EIPR1: variants seen among roughly 807,000 people sequenced by gnomAD.
The protein encoded by EIPR1 is EARP and GARP complex-interacting protein 1.
A neutral mutation model predicts 48.1 loss-of-function variants in EIPR1; 25 were observed. That is an observed-to-expected ratio of 0.52 (90% CI 0.38 to 0.73). The LOEUF is 0.73. EIPR1 is among the 30% of genes least tolerant of loss of function. EIPR1 has a pLI of 0.00. For synonymous variants in EIPR1, 204 were observed against 201.9 expected (o/e 1.01, Z -0.09); for missense variants, 415 against 506.2 (o/e 0.82, Z 1.73).
intron 4 of EIPR1, among the ~76,000 whole-genome samples, chr2:3,218,920 A>G (rs1156573941): frequency 1.3e-5 from 2 of 148,948 alleles, no homozygotes; most frequent in African/African-American, 5.0e-5. Flanking sequence ...CGGCCCCGAT[A>G]CGCTCTAGAG....
chr2:3,351,292 C>T (rs1002260306), intron 2 of EIPR1, among the ~76,000 whole-genome samples: 2 of 152,232 alleles, frequency 1.3e-5, no homozygotes, highest in African/African-American at 4.8e-5. Context: ...TGAGCGACCA[C>T]ACCTGGCCTC....
chr2:3,272,664 T>C (rs1347945660), intron 3 of EIPR1, among the ~76,000 whole-genome samples: 2 of 152,174 alleles, frequency 1.3e-5, no homozygotes, highest in Non-Finnish European at 2.9e-5. Flanking sequence ...CAAAGAACAC[T>C]GACCACAGAG....
chr2:3,347,192 T>A (rs1420449315), intron 2 of EIPR1, among the ~76,000 whole-genome samples: 1 of 152,122 alleles, frequency 6.6e-6, no homozygotes, highest in Non-Finnish European at 1.5e-5. Flanking sequence ...ATGAAACCTC[T>A]TTTCTTCATG....
At chr2:3,277,888 C>T (rs982718032) in intron 3 of EIPR1, among the ~76,000 whole-genome samples, 1 of 152,186 alleles carries the variant, frequency 6.6e-6, no homozygotes, top group Non-Finnish European at 1.5e-5. Context: ...AGCCCTTGGA[C>T]GGCACTAACC....
At chr2:3,233,743 C>G (rs1047736112) in intron 4 of EIPR1, among the ~76,000 whole-genome samples, 25 of 152,340 alleles carry the variant, frequency 1.6e-4, no homozygotes, top group Non-Finnish European at 2.9e-4. Flanking sequence ...AAAGGAAAGT[C>G]TGTTGACTTG....
intron 5 of EIPR1, among the ~76,000 whole-genome samples, chr2:3,198,463 G>A (rs1043823678): frequency 1.8e-4 from 28 of 152,202 alleles, no homozygotes; most frequent in African/African-American, 4.8e-4. Context: ...CTCCCACTCC[G>A]AAAGCCTGCT....
intron 3 of EIPR1, among the ~76,000 whole-genome samples, chr2:3,318,240 T>C (rs966199558): frequency 6.6e-6 from 1 of 152,114 alleles, no homozygotes; most frequent in African/African-American, 2.4e-5. Flanking sequence ...TTCTTTACAG[T>C]CTTACTGGAA....
chr2:3,246,713 C>T (rs1442094253), intron 4 of EIPR1, among the ~76,000 whole-genome samples: 1 of 150,280 alleles, frequency 6.7e-6, no homozygotes, highest in Non-Finnish European at 1.5e-5. Context: ...TCCCTGTAGC[C>T]TCCTCCCTGC....
chr2:3,376,350 C>T (rs549977842), intron 1 of EIPR1, among the ~76,000 whole-genome samples: 1 of 151,950 alleles, frequency 6.6e-6, no homozygotes, highest in Admixed American at 6.6e-5. Flanking sequence ...GTCTGGGTGG[C>T]ATATGTTATT....
chr2:3,200,684 C>G (rs1455651803), intron 5 of EIPR1, among the ~76,000 whole-genome samples: 1 of 151,866 alleles, frequency 6.6e-6, no homozygotes. Context: ...GGGCAGACAC[C>G]AGAACGCACA....
At chr2:3,228,667 C>T (rs1339749193) in intron 4 of EIPR1, among the ~76,000 whole-genome samples, 2 of 152,180 alleles carry the variant, frequency 1.3e-5, no homozygotes, top group Non-Finnish European at 2.9e-5. Context: ...ATAATCCCCA[C>T]AACCCCCACA....
At chr2:3,240,515 CT>C (rs1443021229) in intron 4 of EIPR1, among the ~76,000 whole-genome samples, 10 of 151,404 alleles carry the variant, frequency 6.6e-5, no homozygotes, top group South Asian at 6.3e-4. Context: ...CAGATCCCTC[CT>C]AAAGCAAAGC....
Position 3,369,627 on chromosome 2 carries a change from T to C in EIPR1, c.42+8021A>G, listed in dbSNP as rs537140194. 1.7e-4 allele frequency among the ~76,000 whole-genome samples: 26 copies of C among 152,320 alleles called. No individual in the cohort carries two copies. In the East Asian group the frequency reaches 3.9e-3, roughly 23 times the overall value. ...GGGTCCTATGCCCACGGAGTCTCGC[T>C]GATTGCTAGCACAGCAGTCTGAGAT... On this transcript the variant is annotated intron_variant, in intron 1 of 8. Transcript: ENST00000382125.
At chr2:3,258,939 T>A (rs1264961417) in intron 3 of EIPR1, among the ~76,000 whole-genome samples, 3 of 152,156 alleles carry the variant, frequency 2.0e-5, no homozygotes, top group Non-Finnish European at 2.9e-5. Flanking sequence ...TATTTATTTA[T>A]TTATTTGCTG....
At chr2:3,313,430 C>T (rs539691643) in intron 3 of EIPR1, among the ~76,000 whole-genome samples, 6 of 106,452 alleles carry the variant, frequency 5.6e-5, no homozygotes, top group East Asian at 5.1e-4. Flanking sequence ...TGGCAGGAGA[C>T]GAGGTCAAAA....
intron 3 of EIPR1, among the ~76,000 whole-genome samples, chr2:3,302,009 C>G (rs1572415609): frequency 6.6e-6 from 1 of 152,142 alleles, no homozygotes; most frequent in African/African-American, 2.4e-5. Flanking sequence ...CTGCCAGATG[C>G]GATAAAGCAG....
intron 3 of EIPR1, among the ~76,000 whole-genome samples, chr2:3,295,555 CA>C (rs1177395590): frequency 1.5e-5 from 2 of 135,442 alleles, no homozygotes; most frequent in South Asian, 2.6e-4. Context: ...CCATCCAGCC[CA>C]TCCTCTCTCC....
chr2:3,235,382 G>A (rs1396218103), intron 4 of EIPR1, among the ~76,000 whole-genome samples: 2 of 152,168 alleles, frequency 1.3e-5, no homozygotes, highest in African/African-American at 4.8e-5. Context: ...TGTTACCAAA[G>A]GTTTCCTTTA....
At chr2:3,257,906 T>C (rs1440016180) in intron 3 of EIPR1, among the ~76,000 whole-genome samples, 2 of 152,206 alleles carry the variant, frequency 1.3e-5, no homozygotes, top group Non-Finnish European at 2.9e-5. Context: ...CGATATTCCA[T>C]TCGGAAATCC....
Sources: gnomAD v4.1 joint callset for allele counts (sites outside exome capture counted in the v4.1 genomes callset) on GRCh38, gnomAD v4.1.1 for gene constraint, MANE v1.5 for transcripts, NCBI Gene and HGNC (gene_info 2026-07-23, HGNC 2026-07-21) for gene names.